The following DZANK1 variants were observed in gnomAD, a reference collection of about 807,000 sequenced individuals.
DZANK1 encodes the protein double zinc ribbon and ankyrin repeat domains 1.
A neutral mutation model predicts 94.5 loss-of-function variants in DZANK1; 91 were observed. The observed-to-expected ratio is 0.96, with a 90% confidence interval of 0.81 to 1.15. The LOEUF (loss-of-function observed/expected upper bound fraction) is 1.15. DZANK1 is among the 50% of genes most tolerant of loss of function. The pLI is 0.00. For synonymous variants in DZANK1, 312 were observed against 325.3 expected (o/e 0.96, Z 0.44); for missense variants, 903 against 916.4 (o/e 0.99, Z 0.19).
chr20:18,386,553 G>A (rs183886024), intron 19 of DZANK1, among the ~76,000 whole-genome samples: 23 of 152,122 alleles, frequency 1.5e-4, no homozygotes, highest in Admixed American at 1.1e-3. Context: ...AAAGAATAAC[G>A]ATTATTCAAT....
At chr20:18,411,918 G>T (rs533094224) in intron 13 of DZANK1, among the ~76,000 whole-genome samples, 1 of 152,124 alleles carries the variant, frequency 6.6e-6, no homozygotes, top group African/African-American at 2.4e-5. Context: ...GGAGGGCAAC[G>T]TTGTGTCCTC....
At chr20:18,392,726 G>T in intron 17 of DZANK1, among the ~76,000 whole-genome samples, 1 of 152,174 alleles carries the variant, frequency 6.6e-6, no homozygotes, top group Non-Finnish European at 1.5e-5. Context: ...ACTGACCATC[G>T]GTGAATTAGT....
chr20:18,419,260 TC>T (rs2057648959), intron 10 of DZANK1, among the ~76,000 whole-genome samples: 2 of 117,500 alleles, frequency 1.7e-5, no homozygotes, highest in Admixed American at 9.9e-5. Context: ...AGACTCCATC[TC>T]AAAAAAAAAA....
chr20:18,389,664 T>G (rs1455767270), intron 19 of DZANK1, 37 bp downstream of exon 19: 2 of 1,611,410 alleles, frequency 1.2e-6, no homozygotes, highest in South Asian at 2.2e-5. Flanking sequence ...GTCAGCCTGC[T>G]GCTACCTTAG....
At chr20:18,424,469 C>CAAAAA (rs1259005733) in intron 10 of DZANK1, among the ~76,000 whole-genome samples, 8 of 101,026 alleles carry the variant, frequency 7.9e-5, no homozygotes, top group Admixed American at 2.0e-4. Flanking sequence ...ACAACAACAA[C>CAAAAA]AAAAAAAAAA....
At chr20:18,452,907 G>C (rs1216119913) in intron 5 of DZANK1, among the ~76,000 whole-genome samples, 168 bp from the exon 6 acceptor site, 1 of 152,170 alleles carries the variant, frequency 6.6e-6, no homozygotes, top group Non-Finnish European at 1.5e-5. Context: ...CAATGCATTA[G>C]AAGTGAGAAA....
exon 2 of DZANK1, chr20:18,465,290 G>A: frequency 6.2e-7 from 1 of 1,609,894 alleles, no homozygotes; most frequent in Non-Finnish European, 8.5e-7. Context: ...CAATTTCATG[G>A]TTAGCTTTTC....
chr20:18,384,316 C>T (rs2048348560), exon 21 of DZANK1: 1 of 1,417,084 alleles, frequency 7.1e-7, no homozygotes, highest in Non-Finnish European at 9.4e-7. Flanking sequence ...GCCTCAGCCT[C>T]CCAAAGTGCT....
intron 10 of DZANK1, among the ~76,000 whole-genome samples, chr20:18,422,942 T>A (rs2057860835): frequency 6.6e-6 from 1 of 152,002 alleles, no homozygotes; most frequent in African/African-American, 2.4e-5. Context: ...GATCTCTCTT[T>A]AGGTATTATG....
chr20:18,451,715 T>A (rs1327064797), intron 6 of DZANK1: 3 of 384,980 alleles, frequency 7.8e-6, no homozygotes, highest in Non-Finnish European at 1.5e-5. Context: ...GGCACCATCA[T>A]CTCCAGATAC....
In DZANK1 at chr20:18,396,331, A is replaced by G. The variant is rs186472566; in HGVS notation, c.1611+141T>C. On this transcript the variant is annotated intron_variant, in intron 15 of 20. Coordinates refer to ENST00000262547, the Ensembl canonical transcript of DZANK1. ...AGGTTTAACTTGTTTATCTAATTCT[A>G]TGAAATTGCTTGCCTCTAGTAGCAT... 7.8e-4 allele frequency: 494 copies of G among 629,512 alleles called. 2 individuals are homozygous for G. In the African/African-American group the frequency reaches 8.2e-3, roughly 10 times the overall value. 39.0% of individuals were successfully genotyped at this position (629,512 alleles called of 1,614,324 possible).
chr20:18,428,453 C>T (rs934883604), intron 9 of DZANK1, among the ~76,000 whole-genome samples: 2 of 152,084 alleles, frequency 1.3e-5, no homozygotes, highest in African/African-American at 4.8e-5. Context: ...TCCCAAAGTG[C>T]TGGGATTACA....
Position 18,390,406 on chromosome 20 carries a change from G to A in DZANK1, c.1863C>T (p.Val621=), listed in dbSNP as rs773474963. ...CATCCAGCAGCTGTTCAATCACAGA[G>A]ACTCTTCCTTCCCCCGTGGGTCCGA... The change falls in exon 18 of 21, where the codon GTC becomes GTT. Residue 621 remains valine (V), a synonymous_variant. Coordinates refer to ENST00000262547, the Ensembl canonical transcript of DZANK1. The A allele has an allele frequency of 1.6e-5, 26 of 1,613,870 alleles. No homozygotes were observed. The East Asian group carries it at 5.6e-4, about 35-fold the overall frequency.
chr20:18,405,893 G>C lies in DZANK1; in HGVS notation c.1432+6753C>G, dbSNP rs193301840. Among the ~76,000 whole-genome samples, 43 of 152,358 alleles carry C rather than the reference G, an allele frequency of 2.8e-4. 1 individual carries two copies. The highest frequency in any genetic ancestry group is 1.0e-3 in the African/African-American group (43 of 41,586). On this transcript the variant is annotated intron_variant, in intron 13 of 20. Coordinates refer to ENST00000262547, the Ensembl canonical transcript of DZANK1. Reference sequence around the variant, plus strand: ...AATGTGTGCACTTTGGGGAGGGAGAGCACAGTGACTGGGGGACTGTACACT... The same window carrying C: ...AATGTGTGCACTTTGGGGAGGGAGACCACAGTGACTGGGGGACTGTACACT...
intron 2 of DZANK1, among the ~76,000 whole-genome samples, chr20:18,462,048 T>C (rs1403641580): frequency 6.6e-6 from 1 of 152,112 alleles, no homozygotes; most frequent in East Asian, 1.9e-4. Flanking sequence ...GTTTTCCTAA[T>C]TTCCTAGGTT....
intron 13 of DZANK1, among the ~76,000 whole-genome samples, chr20:18,404,953 G>C: frequency 6.7e-6 from 1 of 148,702 alleles, no homozygotes; most frequent in South Asian, 2.1e-4. Context: ...ATGCATTTCA[G>C]AAGGCTGAGG....
chr20:18,396,867 T>G (rs1273460023), intron 14 of DZANK1, among the ~76,000 whole-genome samples: 1 of 152,200 alleles, frequency 6.6e-6, no homozygotes, highest in African/African-American at 2.4e-5. Context: ...TTAATCAAAC[T>G]ACATGACTAG....
chr20:18,406,792 T>G (rs1407909637), intron 13 of DZANK1, among the ~76,000 whole-genome samples: 1 of 152,204 alleles, frequency 6.6e-6, no homozygotes, highest in Non-Finnish European at 1.5e-5. Flanking sequence ...TTTCTGGATC[T>G]GCTCTGGGCC....
At chr20:18,436,723 G>A (rs546260856) in intron 8 of DZANK1, among the ~76,000 whole-genome samples, 31 of 152,184 alleles carry the variant, frequency 2.0e-4, no homozygotes, top group African/African-American at 7.2e-4. Context: ...CATCCAATAA[G>A]CTCAGTCAAT....
Sources: allele counts gnomAD v4.1 joint callset (sites outside exome capture counted in the v4.1 genomes callset), GRCh38; gene constraint gnomAD v4.1.1; transcripts MANE v1.5; gene names NCBI Gene and HGNC (gene_info 2026-07-23, HGNC 2026-07-21).